SSX7: variants seen among roughly 807,000 people sequenced by gnomAD.
The protein encoded by SSX7 is protein SSX7.
SSX7 carries 15 observed loss-of-function variants against 14.7 expected under a neutral mutation model. The observed-to-expected ratio is 1.02, with a 90% CI of 0.68 to 1.58. SSX7 has a LOEUF of 1.58. SSX7 is among the 40% of genes most tolerant of loss of function. The pLI, the probability that SSX7 is intolerant of heterozygous loss-of-function variation, is 0.00. For synonymous variants in SSX7, 46 were observed against 50.6 expected (o/e 0.91, Z 0.38); for missense variants, 178 against 146.8 (o/e 1.21, Z -1.10).
At chrX:52,645,919 ACT>A (rs1925232369) in intron 6 of SSX7, among the ~76,000 whole-genome samples, 1 of 108,091 alleles carries the variant, frequency 9.3e-6, no homozygotes, top group African/African-American at 3.4e-5. Context: ...TTTTTTGGAA[ACT>A]CTCATCAATT....
At chrX:52,646,756 G>C (rs1556766378) in intron 6 of SSX7, among the ~76,000 whole-genome samples, 1 of 111,254 alleles carries the variant, frequency 9.0e-6, no homozygotes, top group East Asian at 2.8e-4. Flanking sequence ...TAGGATGATT[G>C]ACAACCCTAT....
At position 52,653,661 on chromosome X, in the gene SSX7, T is replaced by C. The variant is rs782529284; in HGVS notation, c.-20-169A>G. On this transcript the variant is annotated intron_variant, in intron 1 of 7. Coordinates refer to ENST00000298181, the MANE Select transcript of SSX7 (RefSeq NM_173358.2). ...GACATGGGGCGAAGTCAGATGAAAA[T>C]AGGGAACCAGGGGTCTCTGGGAGAA... is the stretch of plus-strand genomic sequence containing the variant. 6.5e-4 allele frequency among the ~76,000 whole-genome samples: 72 copies of C among 110,062 alleles called. 1 individual carries two copies. In the Middle Eastern group the frequency reaches 0.014, roughly 21 times the overall value.
chrX:52,649,353 C>G (rs1259008973), intron 5 of SSX7, among the ~76,000 whole-genome samples: 1 of 111,877 alleles, frequency 8.9e-6, no homozygotes, highest in African/African-American at 3.2e-5. Flanking sequence ...TATTCAGCTT[C>G]CTTGCTTATG....
intron 4 of SSX7, among the ~76,000 whole-genome samples, 181 bp from the exon 5 acceptor site, chrX:52,650,583 A>G (rs1556766909): frequency 8.9e-6 from 1 of 112,293 alleles, no homozygotes; most frequent in South Asian, 3.7e-4. Context: ...TGTGGCATCA[A>G]TTCAGAATTT....
chrX:52,648,527 T>G (rs1253969979), intron 5 of SSX7, 131 bp from the exon 6 acceptor site: 2 of 1,003,466 alleles, frequency 2.0e-6, no homozygotes, highest in Non-Finnish European at 2.7e-6. Context: ...TACACATGCC[T>G]AAATTAGGAG....
At chrX:52,649,311 T>A (rs1925353135) in intron 5 of SSX7, among the ~76,000 whole-genome samples, 1 of 111,734 alleles carries the variant, frequency 8.9e-6, no homozygotes, top group Non-Finnish European at 1.9e-5. Flanking sequence ...TTACAGTCGC[T>A]AGCCACCGTG....
At chrX:52,652,716 T>G (rs1556767178) in intron 3 of SSX7, among the ~76,000 whole-genome samples, 154 bp downstream of exon 3, 1 of 110,423 alleles carries the variant, frequency 9.1e-6, no homozygotes, top group Non-Finnish European at 1.9e-5. Flanking sequence ...CCTGACAGGA[T>G]ACAGAAGAGG....
rs1342577940 is a variant in SSX7, at chrX:52,645,494, C to T, written c.516G>A (p.Lys172=). Residue 172 remains lysine (K), a synonymous_variant, in exon 7 of 8, where the codon AAG becomes AAA. Transcript: ENST00000298181. ...HAWTHRLRER[K]QLVIYEEISD... is the part of the protein sequence containing the mutation. Reference sequence around the variant, plus strand: ...TGATCTCTTCATAAATCACCAGCTGCTTTCTCTCACGCAGTCTGTGGGTCC... The same window carrying T: ...TGATCTCTTCATAAATCACCAGCTGTTTTCTCTCACGCAGTCTGTGGGTCC... 21 of 1,201,673 alleles carry T rather than the reference C, an allele frequency of 1.7e-5. No homozygotes were observed. Among genetic ancestry groups the T allele is most frequent in the East Asian group, 5.9e-5 (2 of 33,615 alleles).
In SSX7 at chrX:52,652,492, G is replaced by A. The variant is rs182885036; in HGVS notation, c.185-145C>T. 359 of 477,277 alleles carry A rather than the reference G, an allele frequency of 7.5e-4. 1 individual carries two copies. In the African/African-American group the frequency reaches 7.7e-3, roughly 10 times the overall value. The allele number at this position is 477,277 out of a possible 1,213,427, so 39.3% of individuals were successfully genotyped here. A position where few individuals can be genotyped will look rare whatever the true frequency, so the allele number is the denominator to read the frequency against. On this transcript the variant is annotated intron_variant, in intron 3 of 7. Transcript: ENST00000298181. ...TTCAAGGCTGCAGTGAGCTATGACT[G>A]CACTACTGCAAACTAGCCTAGGTGA...
At chrX:52,649,734 C>A (rs782604564) in intron 5 of SSX7, among the ~76,000 whole-genome samples, 1 of 112,023 alleles carries the variant, frequency 8.9e-6, no homozygotes, top group Admixed American at 9.5e-5. Context: ...TTTCCTATTG[C>A]GAGAATGGGT....
At chrX:52,644,720 G>A (rs1388895352) in intron 7 of SSX7, 50 bp from the exon 8 acceptor site, 1 of 1,154,762 alleles carries the variant, frequency 8.7e-7, no homozygotes. Context: ...TTCCCACCAC[G>A]TGACAACTCA....
In SSX7 at chrX:52,645,482, A is replaced by C. The variant is rs782044922; in HGVS notation, c.528T>G (p.Ile176Met). 2.5e-6 allele frequency: 3 copies of C among 1,201,228 alleles called. No homozygotes were observed. Among genetic ancestry groups the C allele is most frequent in the African/African-American group, 1.8e-5 (1 of 55,777 alleles). ...HRLRERKQLV[I>M]YEEISDPEED... is the part of the protein sequence containing the mutation. ...CTTCAGGGTCGCTGATCTCTTCATAAATCACCAGCTGCTTTCTCTCACGCA... is the reference window on the plus strand; with the variant it reads ...CTTCAGGGTCGCTGATCTCTTCATACATCACCAGCTGCTTTCTCTCACGCA... The change falls in exon 7 of 8, where the codon ATT becomes ATG. Residue 176 changes from isoleucine to methionine, a missense_variant. Physicochemically the swap from Ile to Met is conservative, Grantham distance 10. Transcript: ENST00000298181.
At chrX:52,644,818 G>T in intron 7 of SSX7, 148 bp from the exon 8 acceptor site, 1 of 696,404 alleles carries the variant, frequency 1.4e-6, no homozygotes, top group Non-Finnish European at 2.3e-6. Context: ...GTTCCTTGAA[G>T]TGAACCATCC....
intron 6 of SSX7, among the ~76,000 whole-genome samples, chrX:52,646,517 T>C: frequency 8.9e-6 from 1 of 112,615 alleles, no homozygotes. Flanking sequence ...ACAATCCAAT[T>C]ACACTCTTCT....
Position 52,646,363 on chromosome X carries a change from G to A in SSX7, c.467-820C>T, listed in dbSNP as rs782188164. 7.1e-5 allele frequency among the ~76,000 whole-genome samples: 8 copies of A among 112,389 alleles called. No homozygotes were observed. The East Asian group carries it at 8.4e-4, about 12-fold the overall frequency. On this transcript the variant is annotated intron_variant, in intron 6 of 7. Coordinates refer to ENST00000298181, the MANE Select transcript of SSX7 (RefSeq NM_173358.2). ...CAGGCGTGAGCCACGGCGCCCGTCC[G>A]TGTTTTTTATTTTTGTGCATACACA...
chrX:52,652,750 G>T, intron 3 of SSX7, 120 bp downstream of exon 3: 3 of 712,258 alleles, frequency 4.2e-6, no homozygotes, highest in African/African-American at 2.1e-5. Context: ...GCTGCCTTGC[G>T]ATTTTTCCCT....
At chrX:52,653,114 G>A (rs1556767263) in intron 2 of SSX7, 130 bp from the exon 3 acceptor site, 5 of 1,167,612 alleles carry the variant, frequency 4.3e-6, no homozygotes, top group African/African-American at 1.8e-5. Context: ...CAACATGAGC[G>A]ACCTTTCCTA....
chrX:52,645,612 A>G (rs1925219941), intron 6 of SSX7, 69 bp from the exon 7 acceptor site: 43 of 929,835 alleles, frequency 4.6e-5, no homozygotes, highest in African/African-American at 6.1e-5. Flanking sequence ...GTTTTCTCAA[A>G]AAAAGGAGAT....
rs782246412 is a variant in SSX7 at position 52,650,405 on chromosome X, G to A, written c.281-3C>T. The A allele has an allele frequency of 2.5e-6, 3 of 1,207,053 alleles. No homozygotes were observed. The highest frequency in any genetic ancestry group is 3.4e-6 in the Non-Finnish European group (3 of 892,885). ...AAAAGTCATCTGAGGACGTTCAACT[G>A]AAAGAGAATATATCAGAATTTTTCT... On this transcript the variant is annotated splice_polypyrimidine_tract_variant and splice_region_variant and intron_variant, in intron 4 of 7. Coordinates refer to ENST00000298181, the MANE Select transcript of SSX7 (RefSeq NM_173358.2).
Sources: allele counts gnomAD v4.1 joint callset (sites outside exome capture counted in the v4.1 genomes callset), GRCh38; gene constraint gnomAD v4.1.1; transcripts MANE v1.5; gene names NCBI Gene and HGNC (gene_info 2026-07-23, HGNC 2026-07-21).